Variants in ASIC2 observed in about 807,000 individuals in gnomAD.
The protein encoded by ASIC2 is acid-sensing ion channel 2.
ASIC2 carries 25 observed loss-of-function variants against 57.3 expected under a neutral mutation model. The observed-to-expected ratio is 0.44, with a 90% confidence interval of 0.32 to 0.61. The LOEUF (loss-of-function observed/expected upper bound fraction) is 0.61, where lower values mean the gene tolerates loss of function less well. Among genes scored for constraint, ASIC2 ranks in the 20% least tolerant of loss-of-function variants. The pLI is 0.06. For missense variants in ASIC2, 641 were observed against 738.1 expected, an observed-to-expected ratio of 0.87 and a Z score of 1.52; for synonymous variants, 319 against 307.5, an observed-to-expected ratio of 1.04 and a Z score of -0.39.
intron 1 of ASIC2, among the ~76,000 whole-genome samples, chr17:33,196,687 A>G (rs1346567240): frequency 6.6e-6 from 1 of 152,218 alleles, no homozygotes; most frequent in Non-Finnish European, 1.5e-5. Flanking sequence ...GAACAGCTCA[A>G]GTACTAGGCA....
chr17:33,469,881 T>C (rs1042001270), intron 1 of ASIC2, among the ~76,000 whole-genome samples: 8 of 152,196 alleles, frequency 5.3e-5, no homozygotes, highest in African/African-American at 7.2e-5. Context: ...AGCTAAGGTA[T>C]TGTGGACCTA....
At chr17:33,646,914 G>A (rs1295227803) in intron 1 of ASIC2, among the ~76,000 whole-genome samples, 4 of 152,080 alleles carry the variant, frequency 2.6e-5, no homozygotes, top group Admixed American at 2.6e-4. Context: ...TGGCGCAGGG[G>A]GCAGAGCTGG....
At position 33,305,155 on chromosome 17, in the gene ASIC2, C is replaced by T. The variant is rs184281251; in HGVS notation, c.556-193088G>A. Among the ~76,000 whole-genome samples, 75 of 152,236 alleles carry T rather than the reference C, an allele frequency of 4.9e-4. 1 individual carries two copies. Among genetic ancestry groups the T allele is most frequent in the South Asian group, 4.6e-3 (22 of 4,804 alleles). On this transcript the variant is annotated intron_variant, in intron 1 of 9. Transcript: ENST00000359872. ...TTGCATGCATTATTTCATTTAACTC[C>T]CACGGTATCCCTAACAAAGTAGATG...
intron 1 of ASIC2, among the ~76,000 whole-genome samples, chr17:33,178,767 C>A (rs563454298): frequency 1.3e-5 from 2 of 152,196 alleles, no homozygotes; most frequent in African/African-American, 4.8e-5. Flanking sequence ...CAGAGGAGGG[C>A]CCCATGCAGG....
At chr17:33,293,883 G>A (rs1238535431), upstream of ASIC2, among the ~76,000 whole-genome samples, 1 of 152,082 alleles carries the variant, frequency 6.6e-6, no homozygotes, top group Non-Finnish European at 1.5e-5. Flanking sequence ...ATGGATATCA[G>A]GGTTTCTAGA....
At chr17:34,076,591 ATTG>A (rs900374690) in intron 1 of ASIC2, among the ~76,000 whole-genome samples, 13 of 152,166 alleles carry the variant, frequency 8.5e-5, no homozygotes, top group African/African-American at 3.1e-4. Flanking sequence ...TCCATACATA[ATTG>A]TTGTTATGAA....
intron 1 of ASIC2, among the ~76,000 whole-genome samples, chr17:34,150,220 T>G (rs974801814): frequency 9.9e-5 from 15 of 152,112 alleles, no homozygotes; most frequent in Non-Finnish European, 2.1e-4. Flanking sequence ...AGAATGGTGA[T>G]TACTGGGGAC....
chr17:34,020,028 G>C (rs901961482), intron 1 of ASIC2, among the ~76,000 whole-genome samples: 2 of 152,168 alleles, frequency 1.3e-5, no homozygotes, highest in Admixed American at 6.5e-5. Context: ...CCTGCCACAC[G>C]CTTTGGCCAA....
At chr17:33,016,489 C>G (rs1019487305) in intron 8 of ASIC2, among the ~76,000 whole-genome samples, 3 of 152,174 alleles carry the variant, frequency 2.0e-5, no homozygotes, top group Non-Finnish European at 2.9e-5. Flanking sequence ...CATTTTACTC[C>G]TAGCAATAGA....
At chr17:33,648,997 A>G (rs990322812) in intron 1 of ASIC2, among the ~76,000 whole-genome samples, 3 of 152,196 alleles carry the variant, frequency 2.0e-5, no homozygotes, top group Non-Finnish European at 4.4e-5. Flanking sequence ...TCCCCCTAAG[A>G]TGTGGAAGTA....
At chr17:33,120,549 T>G (rs1268804377) in intron 1 of ASIC2, among the ~76,000 whole-genome samples, 2 of 152,206 alleles carry the variant, frequency 1.3e-5, no homozygotes, top group African/African-American at 4.8e-5. Flanking sequence ...GCATTCAAGA[T>G]GCTGGGCCTC....
chr17:33,620,261 A>AAC (rs56402724), intron 1 of ASIC2, among the ~76,000 whole-genome samples: 19 of 150,766 alleles, frequency 1.3e-4, no homozygotes, highest in African/African-American at 4.2e-4. Context: ...AAAAAAAAAA[A>AAC]CACGTCCTGC....
At chr17:33,654,765 G>T (rs951670690) in intron 1 of ASIC2, among the ~76,000 whole-genome samples, 5 of 152,308 alleles carry the variant, frequency 3.3e-5, no homozygotes, top group Admixed American at 3.3e-4. Flanking sequence ...TAGGGAATGT[G>T]GTAAAACAGG....
intron 1 of ASIC2, among the ~76,000 whole-genome samples, chr17:33,684,851 C>T (rs576228011): frequency 1.6e-3 from 238 of 151,884 alleles, no homozygotes; most frequent in African/African-American, 4.6e-3. Flanking sequence ...TCAAGAGCAC[C>T]GTCTTGTGGG....
At chr17:33,206,231 CTCGGGACCCATTTGGTG>C in intron 1 of ASIC2, among the ~76,000 whole-genome samples, 1 of 152,270 alleles carries the variant, frequency 6.6e-6, no homozygotes, top group South Asian at 2.1e-4. Context: ...CTCATAAATC[CTCGGGACCCATTTGGTG>C]ATGAGGTCGA....
intron 1 of ASIC2, among the ~76,000 whole-genome samples, chr17:34,044,712 GA>G (rs1908272780): frequency 6.6e-6 from 1 of 152,138 alleles, no homozygotes; most frequent in African/African-American, 2.4e-5. Context: ...TGTTTGTCTG[GA>G]GTTGAAGGAA....
chr17:33,372,677 A>G (rs1909119937), intron 1 of ASIC2, among the ~76,000 whole-genome samples: 1 of 152,012 alleles, frequency 6.6e-6, no homozygotes, highest in African/African-American at 2.4e-5. Context: ...CTGAGTCCCC[A>G]GCCACATTCC....
chr17:33,373,968 G>A (rs576106347), intron 1 of ASIC2, among the ~76,000 whole-genome samples: 1 of 151,932 alleles, frequency 6.6e-6, no homozygotes, highest in Non-Finnish European at 1.5e-5. Flanking sequence ...ATGAACCACT[G>A]CGCCCTGCTG....
intron 1 of ASIC2, among the ~76,000 whole-genome samples, chr17:33,215,648 G>A (rs1907448864): frequency 6.6e-6 from 1 of 151,496 alleles, no homozygotes; most frequent in African/African-American, 2.4e-5. Flanking sequence ...TTTTGTTTCT[G>A]GAATTAGGAA....
Sources: allele counts gnomAD v4.1 joint callset (sites outside exome capture counted in the v4.1 genomes callset), GRCh38; gene constraint gnomAD v4.1.1; transcripts MANE v1.5; gene names NCBI Gene and HGNC (gene_info 2026-07-23, HGNC 2026-07-21).